The following ASIC2 variants were observed in gnomAD, a reference collection of about 807,000 sequenced individuals.
The protein encoded by ASIC2 is acid sensing ion channel subunit 2, also known as acid-sensing ion channel 2.
A neutral mutation model predicts 57.3 loss-of-function variants in ASIC2; 25 were observed. The ratio of observed to expected loss-of-function variants is 0.44; its 90% confidence interval spans 0.32 to 0.61. ASIC2 has a LOEUF of 0.61. Ranked by LOEUF, ASIC2 falls within the 20% of genes least tolerant of loss-of-function variation. The pLI is 0.06. For missense variants in ASIC2, 641 were observed against 738.1 expected (o/e 0.87, Z 1.52); for synonymous variants, 319 against 307.5 (o/e 1.04, Z -0.39).
intron 1 of ASIC2, among the ~76,000 whole-genome samples, chr17:33,374,146 C>T (rs1224276859): frequency 6.6e-6 from 1 of 151,840 alleles, no homozygotes; most frequent in East Asian, 1.9e-4. Context: ...CAGGTGCGCA[C>T]CACCCAACCA....
At chr17:33,701,189 A>G (rs567080842) in intron 1 of ASIC2, among the ~76,000 whole-genome samples, 1 of 152,226 alleles carries the variant, frequency 6.6e-6, no homozygotes, top group East Asian at 1.9e-4. Flanking sequence ...AAAACCTAGG[A>G]TGCAGATGGA....
intron 1 of ASIC2, among the ~76,000 whole-genome samples, chr17:33,821,296 G>A (rs1567725100): frequency 6.6e-6 from 1 of 152,132 alleles, no homozygotes; most frequent in Non-Finnish European, 1.5e-5. Context: ...CTGCAGAGAC[G>A]AGGAGTTCTC....
chr17:33,282,474 T>C (rs1291668133), intron 1 of ASIC2, among the ~76,000 whole-genome samples: 7 of 85,628 alleles, frequency 8.2e-5, no homozygotes, highest in Non-Finnish European at 4.8e-5. Context: ...TGTGTGTGTG[T>C]GCTTGTGTGT....
chr17:33,192,276 G>A (rs1283643217), intron 1 of ASIC2, among the ~76,000 whole-genome samples: 1 of 152,046 alleles, frequency 6.6e-6, no homozygotes, highest in Non-Finnish European at 1.5e-5. Context: ...CCATCTACTT[G>A]GGAGGCTGAG....
At chr17:33,716,137 C>T (rs536414655) in intron 1 of ASIC2, among the ~76,000 whole-genome samples, 16 of 152,316 alleles carry the variant, frequency 1.1e-4, no homozygotes, top group African/African-American at 3.1e-4. Context: ...CAAGCCTAGA[C>T]AACTTATTTA....
intron 1 of ASIC2, among the ~76,000 whole-genome samples, chr17:33,962,727 C>T (rs1464416932): frequency 6.6e-6 from 1 of 152,134 alleles, no homozygotes; most frequent in South Asian, 2.1e-4. Context: ...TAGTTTTCTT[C>T]GAAGTGCCTA....
intron 1 of ASIC2, among the ~76,000 whole-genome samples, chr17:33,720,954 C>T (rs1331104522): frequency 6.6e-6 from 1 of 152,088 alleles, no homozygotes; most frequent in Non-Finnish European, 1.5e-5. Context: ...CTTAGTTGAC[C>T]CAACTGTGAA....
chr17:34,033,662 T>C (rs961680357), intron 1 of ASIC2, among the ~76,000 whole-genome samples: 1 of 152,020 alleles, frequency 6.6e-6, no homozygotes, highest in African/African-American at 2.4e-5. Flanking sequence ...ATAGACGCAA[T>C]AAAAAATGAT....
chr17:33,111,406 A>G (rs2092257505), intron 2 of ASIC2, among the ~76,000 whole-genome samples: 1 of 152,226 alleles, frequency 6.6e-6, no homozygotes. Flanking sequence ...GTCTATACAC[A>G]TGGGTCTCCC....
chr17:33,379,741 A>G (rs1311364005), intron 1 of ASIC2, among the ~76,000 whole-genome samples: 1 of 152,142 alleles, frequency 6.6e-6, no homozygotes, highest in Non-Finnish European at 1.5e-5. Flanking sequence ...GCTCTTATTC[A>G]TTTTACCGTT....
intron 1 of ASIC2, among the ~76,000 whole-genome samples, chr17:33,571,814 C>T (rs1367987231): frequency 6.6e-6 from 1 of 152,192 alleles, no homozygotes; most frequent in Non-Finnish European, 1.5e-5. Flanking sequence ...TGCATGTGTG[C>T]TGGGTGCACA....
At chr17:33,083,875 G>A (rs1373186427) in intron 3 of ASIC2, among the ~76,000 whole-genome samples, 1 of 152,122 alleles carries the variant, frequency 6.6e-6, no homozygotes. Flanking sequence ...GTTATGTTGG[G>A]TAGTGCTGTG....
intron 1 of ASIC2, among the ~76,000 whole-genome samples, chr17:33,187,271 A>C (rs2039115722): frequency 6.6e-6 from 1 of 152,176 alleles, no homozygotes. Flanking sequence ...AATGAATTGG[A>C]TTATGAAGTT....
intron 1 of ASIC2, among the ~76,000 whole-genome samples, chr17:33,662,666 A>AATAC (rs1907318062): frequency 9.0e-6 from 1 of 111,206 alleles, no homozygotes; most frequent in East Asian, 2.1e-4. Flanking sequence ...TAAATAAATA[A>AATAC]ATAAGTAAAA....
chr17:33,469,234 C>T (rs1567622658), intron 1 of ASIC2, among the ~76,000 whole-genome samples: 1 of 152,182 alleles, frequency 6.6e-6, no homozygotes, highest in South Asian at 2.1e-4. Context: ...CGTCGAGACC[C>T]ATGGAGCACA....
intron 1 of ASIC2, among the ~76,000 whole-genome samples, chr17:33,628,171 A>C (rs1906046582): frequency 6.6e-6 from 1 of 152,096 alleles, no homozygotes; most frequent in Non-Finnish European, 1.5e-5. Context: ...GATGCCTGGG[A>C]GTCTGCCCAG....
intron 1 of ASIC2, among the ~76,000 whole-genome samples, chr17:33,428,907 C>T (rs1176289774): frequency 6.6e-6 from 1 of 152,168 alleles, no homozygotes; most frequent in Non-Finnish European, 1.5e-5. Flanking sequence ...ACACTGTTCC[C>T]ATCTCTGCAC....
chr17:33,297,823 AAAATAAATAAATAAATAAAT>A (rs200008797), upstream of ASIC2, among the ~76,000 whole-genome samples: 12 of 141,566 alleles, frequency 8.5e-5, no homozygotes, highest in East Asian at 2.1e-4. Context: ...ACCCTGTCTC[AAAATAAATAAATAAATAAAT>A]AAATAAATAA....
At chr17:33,957,334 T>A (rs1296824072) in intron 1 of ASIC2, among the ~76,000 whole-genome samples, 1 of 151,936 alleles carries the variant, frequency 6.6e-6, no homozygotes, top group African/African-American at 2.4e-5. Context: ...CTGACTGGAG[T>A]TGAAGGTCTC....
Sources: allele counts gnomAD v4.1 joint callset (sites outside exome capture counted in the v4.1 genomes callset), GRCh38; gene constraint gnomAD v4.1.1; transcripts MANE v1.5; gene names NCBI Gene and HGNC (gene_info 2026-07-23, HGNC 2026-07-21).